GPAM: variants seen among roughly 807,000 people sequenced by gnomAD.
The protein encoded by GPAM is glycerol-3-phosphate acyltransferase 1, mitochondrial.
In GPAM, 56 loss-of-function variants were observed where a neutral mutation model predicts 105.0. That is an observed-to-expected ratio of 0.53 (90% CI 0.43 to 0.67). GPAM has a LOEUF of 0.67. Among genes scored for constraint, GPAM ranks in the 30% least tolerant of loss-of-function variants. The pLI, the probability that GPAM is intolerant of heterozygous loss-of-function variation, is 0.00. For missense variants in GPAM, 855 were observed against 989.8 expected (o/e 0.86, Z 1.83); for synonymous variants, 368 against 354.4 (o/e 1.04, Z -0.43).
intron 1 of GPAM, among the ~76,000 whole-genome samples, chr10:112,193,277 C>A (rs1180473909): frequency 3.9e-5 from 6 of 152,166 alleles, no homozygotes; most frequent in Admixed American, 3.3e-4. Context: ...TAGGCTACAA[C>A]TGGGACCAAG....
chr10:112,196,533 C>A (rs952452433), intron 1 of GPAM, among the ~76,000 whole-genome samples: 10 of 152,118 alleles, frequency 6.6e-5, no homozygotes, highest in Admixed American at 2.0e-4. Flanking sequence ...AAAAGGCCTC[C>A]AAAGTAAAGA....
At position 112,151,074 on chromosome 10, in the gene GPAM, T is replaced by C; in HGVS notation, c.*2476A>G. 2 of 985,208 alleles carry C rather than the reference T, an allele frequency of 2.0e-6. No homozygotes were observed. Among genetic ancestry groups the C allele is most frequent in the Non-Finnish European group, 2.4e-6 (2 of 829,360 alleles). 61.0% of individuals were successfully genotyped at this position (985,208 alleles called of 1,614,324 possible). On this transcript the variant is annotated 3_prime_UTR_variant, in exon 22 of 22. Coordinates refer to ENST00000348367, the MANE Select transcript of GPAM (RefSeq NM_001244949.2). ...TTCTGAATCACTTAGGACATTCTCA[T>C]TTTCAAAAACAGACTGCAGTTTCAT...
At chr10:112,211,885 A>G (rs754971853) in intron 1 of GPAM, among the ~76,000 whole-genome samples, 51 of 152,260 alleles carry the variant, frequency 3.3e-4, no homozygotes, top group Non-Finnish European at 7.2e-4. Context: ...CTTTTCTAAC[A>G]AAAGATTAAC....
At chr10:112,190,024 G>A (rs1396154556) in intron 1 of GPAM, among the ~76,000 whole-genome samples, 2 of 152,086 alleles carry the variant, frequency 1.3e-5, no homozygotes, top group African/African-American at 4.8e-5. Flanking sequence ...ACTCTGTAAG[G>A]AGGATACACT....
intron 9 of GPAM, among the ~76,000 whole-genome samples, chr10:112,171,002 G>A (rs1423070958): frequency 1.3e-5 from 2 of 152,160 alleles, no homozygotes; most frequent in African/African-American, 2.4e-5. Context: ...CAAAGGTGAC[G>A]AAGGCCATCT....
At chr10:112,178,105 CGGT>C (rs1564682223) in intron 4 of GPAM, 48 bp from the exon 5 acceptor site, 2 of 902,114 alleles carry the variant, frequency 2.2e-6, no homozygotes, top group South Asian at 2.7e-5. Flanking sequence ...ACTAGATTGA[CGGT>C]GAAGAGCTCT....
chr10:112,152,599 A>G lies in GPAM; in HGVS notation c.*951T>C. On this transcript the variant is annotated 3_prime_UTR_variant, in exon 22 of 22. Transcript: ENST00000348367. ...AAGCCCTCATCAGCTGTGGCCAGAG[A>G]ACTGTATTCTAACAGTCTGTCAGCT... 4 of 985,398 alleles carry G rather than the reference A, an allele frequency of 4.1e-6. No individual in the cohort carries two copies. Among genetic ancestry groups the G allele is most frequent in the Non-Finnish European group, 4.8e-6 (4 of 829,910 alleles). The allele number at this position is 985,398 out of a possible 1,614,324, so 61.0% of individuals were successfully genotyped here. A position where few individuals can be genotyped will look rare whatever the true frequency, so the allele number is the denominator to read the frequency against.
intron 5 of GPAM, among the ~76,000 whole-genome samples, chr10:112,176,534 C>A (rs1349582106): frequency 8.5e-5 from 13 of 152,184 alleles, no homozygotes; most frequent in African/African-American, 3.1e-4. Flanking sequence ...TGAAAGAGAA[C>A]TGTTTATGAA....
upstream of GPAM, among the ~76,000 whole-genome samples, chr10:112,184,350 C>A (rs908399592): frequency 6.6e-6 from 1 of 152,100 alleles, no homozygotes; most frequent in African/African-American, 2.4e-5. Flanking sequence ...TTATACAGTT[C>A]AAAATCGCTA....
In GPAM at chr10:112,151,887, A is replaced by G. The variant is rs1846926498; in HGVS notation, c.*1663T>C. On this transcript the variant is annotated 3_prime_UTR_variant, in exon 22 of 22. Coordinates refer to ENST00000348367, the MANE Select transcript of GPAM (RefSeq NM_001244949.2). ...GCTAAAACATGATATCTCATTCAACATCAGAGCTACTACAACTGACAATGA... is the reference window on the plus strand; with the variant it reads ...GCTAAAACATGATATCTCATTCAACGTCAGAGCTACTACAACTGACAATGA... The G allele has an allele frequency of 1.0e-6, 1 of 981,774 alleles. No individual in the cohort carries two copies. The highest frequency in any genetic ancestry group is 1.2e-6 in the Non-Finnish European group (1 of 826,660). 60.8% of individuals were successfully genotyped at this position (981,774 alleles called of 1,614,324 possible). A position where few individuals can be genotyped will look rare whatever the true frequency, so the allele number is the denominator to read the frequency against.
intron 14 of GPAM, among the ~76,000 whole-genome samples, 167 bp from the exon 15 acceptor site, chr10:112,161,904 C>A (rs1490963534): frequency 6.6e-6 from 1 of 152,184 alleles, no homozygotes; most frequent in Non-Finnish European, 1.5e-5. Context: ...CTACAGTGTT[C>A]TGGTATAATG....
chr10:112,208,675 C>T (rs903179964), intron 1 of GPAM, among the ~76,000 whole-genome samples: 3 of 152,106 alleles, frequency 2.0e-5, no homozygotes, highest in African/African-American at 7.2e-5. Context: ...CAATGCTTCT[C>T]GGACTCTGAG....
Position 112,164,589 on chromosome 10 carries a change from G to T in GPAM, c.1243C>A (p.Gln415Lys), listed in dbSNP as rs144558318. 1.0e-4 allele frequency: 168 copies of T among 1,601,996 alleles called. No homozygotes were observed. Among genetic ancestry groups the T allele is most frequent in the Non-Finnish European group, 1.3e-4 (156 of 1,169,198 alleles). Reference protein sequence around the residue: ...SLKEYLESQSQKPVSALLSLE... With the variant: ...SLKEYLESQSKKPVSALLSLE... Reference sequence around the variant, plus strand: ...GAAAGTAGAGCAGACACCGGTTTCTGACTTTGGCTTTCTAAATATTCCTGG... The same window carrying T: ...GAAAGTAGAGCAGACACCGGTTTCTTACTTTGGCTTTCTAAATATTCCTGG... The change falls in exon 13 of 22, where the codon CAG becomes AAG. Residue 415 changes from glutamine to lysine, a missense_variant. Physicochemically the swap from Gln to Lys is moderately conservative, Grantham distance 53. Coordinates refer to ENST00000348367, the MANE Select transcript of GPAM (RefSeq NM_001244949.2).
At chr10:112,160,523 A>G in intron 16 of GPAM, 81 bp downstream of exon 16, 1 of 1,403,188 alleles carries the variant, frequency 7.1e-7, no homozygotes, top group African/African-American at 1.4e-5. Flanking sequence ...TATCACCCAA[A>G]TTAAAGCAGA....
chr10:112,191,138 G>C (rs1847653510), intron 1 of GPAM, among the ~76,000 whole-genome samples: 1 of 152,196 alleles, frequency 6.6e-6, no homozygotes, highest in African/African-American at 2.4e-5. Flanking sequence ...ACTGAAGTTA[G>C]TTATAACAAG....
In GPAM at chr10:112,151,348, A is replaced by G. The variant is rs958285326; in HGVS notation, c.*2202T>C. On this transcript the variant is annotated 3_prime_UTR_variant, in exon 22 of 22. Coordinates refer to ENST00000348367, the MANE Select transcript of GPAM (RefSeq NM_001244949.2). ...GTTTTTTTGTTTTTTGTTTTCAGTC[A>G]TGAGGCACTGAAGAATGAGTTGTGC... The G allele has an allele frequency of 2.0e-6, 2 of 985,746 alleles. 1 individual carries two copies. The highest frequency in any genetic ancestry group is 1.0e-3 in the Middle Eastern group (2 of 1,914). The allele number at this position is 985,746 out of a possible 1,614,324, so 61.1% of individuals were successfully genotyped here.
Position 112,172,989 on chromosome 10 carries a change from A to G in GPAM, c.638T>C (p.Met213Thr). Residue 213 changes from methionine (M) to threonine (T), a missense_variant, in exon 8 of 22, where the codon ATG becomes ACG. Met to Thr is a moderately conservative substitution (Grantham distance 81). Coordinates refer to ENST00000348367, the MANE Select transcript of GPAM (RefSeq NM_001244949.2). ...TCTTGCCTCAGTTGCAGCTTTAACC[A>G]TCTCAAGTTGACCTTTGTGAATTTG... is the stretch of plus-strand genomic sequence containing the variant. ...NIQIHKGQLE[M>T]VKAATETNLP... The G allele has an allele frequency of 1.3e-6, 2 of 1,594,194 alleles. No individual in the cohort carries two copies. The highest frequency in any genetic ancestry group is 2.2e-5 in the East Asian group (1 of 44,774).
chr10:112,170,047 A>G (rs1249595013), intron 9 of GPAM, among the ~76,000 whole-genome samples: 2 of 152,154 alleles, frequency 1.3e-5, no homozygotes, highest in African/African-American at 4.8e-5. Flanking sequence ...ATTTCTTTAT[A>G]TATTACAAAG....
the GPAM span, among the ~76,000 whole-genome samples, chr10:112,224,640 C>A: frequency 4.6e-5 from 7 of 152,062 alleles, no homozygotes; most frequent in African/African-American, 1.7e-4. Context: ...TTTGGGAAGG[C>A]AACCTTGACA....
Sources: allele counts gnomAD v4.1 joint callset (sites outside exome capture counted in the v4.1 genomes callset), GRCh38; gene constraint gnomAD v4.1.1; transcripts MANE v1.5; gene names NCBI Gene and HGNC (gene_info 2026-07-23, HGNC 2026-07-21).